The following SIPA1L1 variants were observed in gnomAD, a reference collection of about 807,000 sequenced individuals.
SIPA1L1 encodes the protein signal induced proliferation associated 1 like 1, also known as signal-induced proliferation-associated 1-like protein 1.
A neutral mutation model predicts 162.7 loss-of-function variants in SIPA1L1; 26 were observed. That is an observed-to-expected ratio of 0.16 (90% CI 0.12 to 0.22). The LOEUF is 0.22. Among genes scored for constraint, SIPA1L1 ranks in the 10% least tolerant of loss-of-function variants. The pLI is 1.00. For synonymous variants in SIPA1L1, 829 were observed against 837.4 expected (o/e 0.99, Z 0.17); for missense variants, 1,874 against 2,241.0 (o/e 0.84, Z 3.31).
intron 3 of SIPA1L1, among the ~76,000 whole-genome samples, chr14:71,517,470 G>A (rs545753623): frequency 6.6e-6 from 1 of 152,200 alleles, no homozygotes; most frequent in East Asian, 1.9e-4. Context: ...AATTTGAGTT[G>A]TTTGCAGTTT....
chr14:71,336,514 A>G (rs534654876), intron 2 of SIPA1L1, among the ~76,000 whole-genome samples: 41 of 152,230 alleles, frequency 2.7e-4, no homozygotes, highest in African/African-American at 8.7e-4. Flanking sequence ...GTCAAAGCAC[A>G]TTTTTTGCAA....
chr14:71,515,306 A>G (rs2051599572), intron 3 of SIPA1L1, among the ~76,000 whole-genome samples: 1 of 152,230 alleles, frequency 6.6e-6, no homozygotes, highest in Admixed American at 6.5e-5. Flanking sequence ...TGCTAAGCTG[A>G]TACCCTTAGT....
chr14:71,688,538 C>T, intron 13 of SIPA1L1, among the ~76,000 whole-genome samples: 1 of 152,128 alleles, frequency 6.6e-6, no homozygotes. Context: ...AATATAATTT[C>T]CTTCATGAAA....
In SIPA1L1 at chr14:71,502,253, A is replaced by ATATATATAT. The variant is rs1555440974; in HGVS notation, c.-464-10490_-464-10489insTATATATAT. Among the ~76,000 whole-genome samples, 410 of 89,756 alleles carry ATATATATAT rather than the reference A, an allele frequency of 4.6e-3. 3 individuals are homozygous for ATATATATAT. The highest frequency in any genetic ancestry group is 9.5e-3 in the African/African-American group (207 of 21,872). The allele number at this position is 89,756 out of a possible 152,430, so 58.9% of individuals were successfully genotyped here. ...CCTTTGAGATACTTGAAAAAAAAAA[A>ATATATATAT]AAATATATATATATATATATATATA... On this transcript the variant is annotated intron_variant, in intron 2 of 23. Coordinates refer to ENST00000381232, the MANE Select transcript of SIPA1L1 (RefSeq NM_001386936.1).
intron 20 of SIPA1L1, among the ~76,000 whole-genome samples, chr14:71,731,411 G>A (rs887218768): frequency 6.6e-6 from 1 of 152,158 alleles, no homozygotes; most frequent in African/African-American, 2.4e-5. Context: ...CACCTCCGAT[G>A]AACCAAGGTT....
intron 13 of SIPA1L1, among the ~76,000 whole-genome samples, chr14:71,691,829 A>G (rs145345368): frequency 1.4e-3 from 209 of 152,062 alleles, no homozygotes; most frequent in Non-Finnish European, 2.5e-3. Flanking sequence ...CTCTCCTCCC[A>G]TTTCTACCTT....
intron 7 of SIPA1L1, among the ~76,000 whole-genome samples, chr14:71,647,017 T>C (rs1200600873): frequency 6.6e-6 from 1 of 152,132 alleles, no homozygotes; most frequent in Non-Finnish European, 1.5e-5. Context: ...TTACTTAACT[T>C]CTGCTTGTCA....
intron 5 of SIPA1L1, among the ~76,000 whole-genome samples, chr14:71,618,320 A>G (rs2039057727): frequency 6.6e-6 from 1 of 152,224 alleles, no homozygotes; most frequent in Non-Finnish European, 1.5e-5. Context: ...ATCCAGGGAC[A>G]TCTTTTTTAA....
chr14:71,417,237 C>T (rs541507664), intron 2 of SIPA1L1, among the ~76,000 whole-genome samples: 2 of 151,516 alleles, frequency 1.3e-5, no homozygotes, highest in East Asian at 1.9e-4. Context: ...ATTGGGAGGC[C>T]GAGGCGGGTG....
intron 2 of SIPA1L1, among the ~76,000 whole-genome samples, chr14:71,356,031 G>A (rs950852522): frequency 2.0e-5 from 3 of 152,134 alleles, no homozygotes; most frequent in African/African-American, 7.2e-5. Context: ...TCTGCACTGT[G>A]GAACAAGCCT....
chr14:71,384,064 A>G (rs1176295191), intron 2 of SIPA1L1, among the ~76,000 whole-genome samples: 4 of 152,064 alleles, frequency 2.6e-5, no homozygotes, highest in Non-Finnish European at 5.9e-5. Flanking sequence ...TGGCAGGGTC[A>G]TTATGTGCTT....
Position 71,684,047 on chromosome 14 carries a change from G to C in SIPA1L1, c.3105-1315G>C, listed in dbSNP as rs76360993. Among the ~76,000 whole-genome samples, 288 of 152,324 alleles carry C rather than the reference G, an allele frequency of 1.9e-3. 1 individual carries two copies. Among genetic ancestry groups the C allele is most frequent in the Non-Finnish European group, 3.0e-3 (206 of 68,024 alleles). On this transcript the variant is annotated intron_variant, in intron 12 of 23. Transcript: ENST00000381232. ...AAGGGATAGAGTGGAGCCTTGGGCGGAGGGTCAGATTAAGGTCACCCTTGG... is the reference window on the plus strand; with the variant it reads ...AAGGGATAGAGTGGAGCCTTGGGCGCAGGGTCAGATTAAGGTCACCCTTGG...
intron 6 of SIPA1L1, among the ~76,000 whole-genome samples, chr14:71,623,535 A>G (rs372248632): frequency 6.6e-6 from 1 of 152,206 alleles, no homozygotes; most frequent in South Asian, 2.1e-4. Flanking sequence ...TGATGGTGAT[A>G]ATTGTCCGGT....
intron 2 of SIPA1L1, among the ~76,000 whole-genome samples, chr14:71,464,093 A>G (rs1463310430): frequency 6.6e-6 from 1 of 152,234 alleles, no homozygotes; most frequent in Non-Finnish European, 1.5e-5. Context: ...TGCTGCCCTC[A>G]GCAATCTGTT....
rs1171875410 is a variant in SIPA1L1 at position 71,671,276 on chromosome 14, G to T, written c.2413G>T (p.Ala805Ser). 6.2e-7 allele frequency: 1 copy of T among 1,614,164 alleles called. No individual in the cohort carries two copies. The highest frequency in any genetic ancestry group is 2.2e-5 in the East Asian group (1 of 44,884). ...AHKSEKFRAM[A>S]TRTRQEYLKD... ...TAAATCGGAGAAGTTTCGGGCCATG[G>T]CAACTCGGACCCGCCAGGAATACCT... The change falls in exon 11 of 24, where the codon GCA becomes TCA. Residue 805 changes from alanine (A) to serine (S), a missense_variant. Around this residue, in one of 5 missense-constraint regions of SIPA1L1, gnomAD observed 243 missense variants for 315.0 expected, o/e 0.77. Coordinates refer to ENST00000381232, the MANE Select transcript of SIPA1L1 (RefSeq NM_001386936.1).
chr14:71,679,478 A>T (rs1357188511), intron 12 of SIPA1L1, among the ~76,000 whole-genome samples: 1 of 152,246 alleles, frequency 6.6e-6, no homozygotes, highest in Non-Finnish European at 1.5e-5. Context: ...CACTGCAAAA[A>T]CATGCCAAAT....
chr14:71,738,418 G>A (rs1384365072), intron 23 of SIPA1L1, 93 bp downstream of exon 23: 5 of 809,604 alleles, frequency 6.2e-6, no homozygotes, highest in African/African-American at 3.4e-5. Flanking sequence ...AAAATAAGAC[G>A]TGGGTGTCTT....
intron 4 of SIPA1L1, among the ~76,000 whole-genome samples, chr14:71,581,221 G>T: frequency 6.6e-6 from 1 of 151,886 alleles, no homozygotes; most frequent in Admixed American, 6.6e-5. Context: ...AAAAATAATG[G>T]GAACTCACTA....
At chr14:71,412,073 C>T (rs757362933) in intron 2 of SIPA1L1, among the ~76,000 whole-genome samples, 4 of 152,298 alleles carry the variant, frequency 2.6e-5, no homozygotes, top group South Asian at 2.1e-4. Context: ...ATTAACAAAA[C>T]GAAGTACATA....
Sources: allele counts gnomAD v4.1 joint callset (sites outside exome capture counted in the v4.1 genomes callset), GRCh38; gene constraint gnomAD v4.1.1; regional missense constraint gnomAD v4.1.1; transcripts MANE v1.5; gene names NCBI Gene and HGNC (gene_info 2026-07-23, HGNC 2026-07-21).